The following APBB2 variants were observed in gnomAD, a reference collection of about 807,000 sequenced individuals.
APBB2 encodes amyloid beta precursor protein binding family B member 2, also known as Fe65-like 1.
APBB2 carries 38 observed loss-of-function variants against 82.5 expected under a neutral mutation model. The observed-to-expected ratio is 0.46, with a 90% confidence interval of 0.36 to 0.60. The LOEUF (loss-of-function observed/expected upper bound fraction) is 0.60. Ranked by LOEUF, APBB2 falls within the 20% of genes least tolerant of loss-of-function variation. The probability of loss-of-function intolerance (pLI) is 0.00; values close to 1 mark genes in which losing one functional copy is unlikely to be tolerated. For synonymous variants in APBB2, 341 were observed against 368.2 expected, an observed-to-expected ratio of 0.93 and a Z score of 0.85; for missense variants, 772 against 972.3, an observed-to-expected ratio of 0.79 and a Z score of 2.74.
chr4:40,935,264 A>C, intron 7 of APBB2, 125 bp from the exon 8 acceptor site: 1 of 691,514 alleles, frequency 1.4e-6, no homozygotes, highest in South Asian at 2.0e-5. Context: ...GTTAGGGAAC[A>C]AGTTAACTCT....
At chr4:40,949,027 C>T (rs1789305850) in intron 6 of APBB2, among the ~76,000 whole-genome samples, 1 of 151,738 alleles carries the variant, frequency 6.6e-6, no homozygotes, top group African/African-American at 2.4e-5. Context: ...GCCTATAATC[C>T]CATCACTTTG....
chr4:41,056,395 C>A (rs2153866751), intron 4 of APBB2, among the ~76,000 whole-genome samples: 1 of 152,252 alleles, frequency 6.6e-6, no homozygotes, highest in African/African-American at 2.4e-5. Flanking sequence ...GATCTGCCAA[C>A]AACTTGATCT....
chr4:40,937,100 T>C (rs533090351), intron 7 of APBB2, among the ~76,000 whole-genome samples: 2 of 152,336 alleles, frequency 1.3e-5, no homozygotes, highest in African/African-American at 2.4e-5. Context: ...TGGCCTCAAA[T>C]TGTCATCACT....
At chr4:40,924,869 C>A (rs1782211420) in intron 10 of APBB2, among the ~76,000 whole-genome samples, 1 of 152,208 alleles carries the variant, frequency 6.6e-6, no homozygotes, top group African/African-American at 2.4e-5. Context: ...CAGTATTGGG[C>A]AAATACAGAT....
intron 10 of APBB2, among the ~76,000 whole-genome samples, chr4:40,911,228 C>A (rs1365308184): frequency 6.6e-6 from 1 of 152,124 alleles, no homozygotes; most frequent in Non-Finnish European, 1.5e-5. Context: ...TTCTCGAATC[C>A]GTGGGCTCCT....
In APBB2 at chr4:41,160,031, A is replaced by AGAG. The variant is rs1441915468; in HGVS notation, c.-416-16890_-416-16889insCTC. 1.7e-4 allele frequency among the ~76,000 whole-genome samples: 25 copies of AGAG among 147,302 alleles called. No individual in the cohort carries two copies. The East Asian group carries it at 4.2e-3, about 25-fold the overall frequency. Reference sequence around the variant, plus strand: ...AAGAAGAAGAAGAAGAAGAAGAAGAAGAAGAAAACATCACAGGATGCTGTT... The same window carrying AGAG: ...AAGAAGAAGAAGAAGAAGAAGAAGAAGAGGAAGAAAACATCACAGGATGCTGTT... On this transcript the variant is annotated intron_variant, in intron 1 of 17. Coordinates refer to ENST00000508593, the MANE Select transcript of APBB2 (RefSeq NM_004307.2).
chr4:41,014,727 A>T (rs1188051042), intron 5 of APBB2, among the ~76,000 whole-genome samples: 1 of 152,188 alleles, frequency 6.6e-6, no homozygotes, highest in Non-Finnish European at 1.5e-5. Context: ...ATTTTTTACA[A>T]GCTTGAAAAA....
intron 2 of APBB2, among the ~76,000 whole-genome samples, chr4:41,122,211 C>T (rs1159997213): frequency 6.6e-6 from 1 of 152,134 alleles, no homozygotes; most frequent in African/African-American, 2.4e-5. Flanking sequence ...CCAGTGTGAG[C>T]CACCACACCT....
rs1745435887 is a variant in APBB2, at chr4:40,815,792, G to A, written c.*300C>T. 3.4e-6 allele frequency: 1 copy of A among 295,660 alleles called. No individual in the cohort carries two copies. Among genetic ancestry groups the A allele is most frequent in the Non-Finnish European group, 6.4e-6 (1 of 155,318 alleles). 18.3% of individuals were successfully genotyped at this position (295,660 alleles called of 1,614,324 possible). ...GCGTTAGTTCACTAGGAGGGGTGGG[G>A]CCACACTCTTCTCTGTGTGTGTGTG... is the stretch of plus-strand genomic sequence containing the variant. On this transcript the variant is annotated 3_prime_UTR_variant, in exon 18 of 18. Coordinates refer to ENST00000508593, the MANE Select transcript of APBB2 (RefSeq NM_004307.2).
chr4:41,210,438 C>G lies in APBB2; in HGVS notation c.-417+3967G>C, dbSNP rs554868437. On this transcript the variant is annotated intron_variant, in intron 1 of 17. Transcript: ENST00000508593. ...GTCTTTGGGGTCCCTGGTTAGTAGT[C>G]TTTCCTCCAAATCCCCCCAGACCCT... is the stretch of plus-strand genomic sequence containing the variant. Among the ~76,000 whole-genome samples, 3 of 152,300 alleles carry G rather than the reference C, an allele frequency of 2.0e-5. No homozygotes were observed. The East Asian group carries it at 5.8e-4, about 29-fold the overall frequency.
rs1267532705 is a variant in APBB2 at position 41,004,529 on chromosome 4, A to C, written c.835+9054T>G. On this transcript the variant is annotated intron_variant, in intron 6 of 17. Transcript: ENST00000508593. Reference sequence around the variant, plus strand: ...GTCTCAGGCACCTAGCTCAGCACACAGAGTTGACTTTTAAAAATGACTGGC... The same window carrying C: ...GTCTCAGGCACCTAGCTCAGCACACCGAGTTGACTTTTAAAAATGACTGGC... 2.6e-5 allele frequency among the ~76,000 whole-genome samples: 4 copies of C among 152,100 alleles called. No individual in the cohort carries two copies. In the East Asian group the frequency reaches 7.7e-4, roughly 29 times the overall value.
chr4:41,159,219 T>A (rs574412493), intron 1 of APBB2, among the ~76,000 whole-genome samples: 5 of 152,310 alleles, frequency 3.3e-5, no homozygotes, highest in Admixed American at 3.3e-4. Flanking sequence ...TAAATCGACC[T>A]TTCCCTTTCT....
At chr4:40,830,215 T>C (rs186304635) in intron 13 of APBB2, among the ~76,000 whole-genome samples, 31 of 150,950 alleles carry the variant, frequency 2.1e-4, no homozygotes, top group East Asian at 6.0e-4. Context: ...CACACACATA[T>C]ATATATATAT....
Position 40,830,475 on chromosome 4 carries a change from C to A in APBB2, c.1632G>T (p.Glu544Asp). 1 of 1,613,648 alleles carries A rather than the reference C, an allele frequency of 6.2e-7. No homozygotes were observed. Among genetic ancestry groups the A allele is most frequent in the South Asian group, 1.1e-5 (1 of 91,058 alleles). Reference protein sequence around the residue: ...PAKAIATSLHEICSKIMAERK... With the variant: ...PAKAIATSLHDICSKIMAERK... Reference sequence around the variant, plus strand: ...TGACCCACCTTACCTTGGAGCAGATCTCGTGGAGACTTGTGGCAATGGCTT... The same window carrying A: ...TGACCCACCTTACCTTGGAGCAGATATCGTGGAGACTTGTGGCAATGGCTT... Residue 544 changes from glutamate (E) to aspartate (D), a missense_variant, in exon 13 of 18, where the codon GAG becomes GAT. Physicochemically the swap from Glu to Asp is conservative, Grantham distance 45. Transcript: ENST00000508593.
At chr4:40,820,243 C>T (rs1324139262) in intron 17 of APBB2, among the ~76,000 whole-genome samples, 4 of 152,216 alleles carry the variant, frequency 2.6e-5, no homozygotes, top group South Asian at 2.1e-4. Flanking sequence ...GCTCTCCTAG[C>T]GTGGACGCTC....
chr4:41,093,649 T>A (rs535165061), intron 3 of APBB2, among the ~76,000 whole-genome samples: 8 of 151,454 alleles, frequency 5.3e-5, no homozygotes, highest in African/African-American at 1.9e-4. Context: ...AGTTCAGGAG[T>A]TCAAGACTAC....
chr4:41,195,864 T>TA, intron 1 of APBB2, among the ~76,000 whole-genome samples: 3 of 152,082 alleles, frequency 2.0e-5, no homozygotes, highest in African/African-American at 7.2e-5. Context: ...CTCCTCGATT[T>TA]AAAAATCACA....
At chr4:40,973,383 C>T (rs1161671001) in intron 6 of APBB2, among the ~76,000 whole-genome samples, 1 of 152,204 alleles carries the variant, frequency 6.6e-6, no homozygotes, top group Non-Finnish European at 1.5e-5. Flanking sequence ...CTTGACTTAG[C>T]CCTTCAGGCC....
At chr4:41,074,982 C>G (rs1202019868) in intron 3 of APBB2, among the ~76,000 whole-genome samples, 1 of 151,996 alleles carries the variant, frequency 6.6e-6, no homozygotes, top group Non-Finnish European at 1.5e-5. Flanking sequence ...AAACTCGACT[C>G]CACAAAAAAT....
Sources: allele counts gnomAD v4.1 joint callset (sites outside exome capture counted in the v4.1 genomes callset), GRCh38; gene constraint gnomAD v4.1.1; transcripts MANE v1.5; gene names NCBI Gene and HGNC (gene_info 2026-07-23, HGNC 2026-07-21).